AMZ1: variants seen among roughly 807,000 people sequenced by gnomAD.
The protein encoded by AMZ1 is archaelysin family metallopeptidase 1.
In AMZ1, 39 loss-of-function variants were observed where a neutral mutation model predicts 29.9. The ratio of observed to expected loss-of-function variants is 1.30; its 90% CI spans 1.01 to 1.70. The LOEUF (loss-of-function observed/expected upper bound fraction) is 1.70, where lower values mean the gene tolerates loss of function less well. AMZ1 is among the 40% of genes most tolerant of loss of function. AMZ1 has a pLI of 0.00. For missense variants in AMZ1, 1,041 were observed against 680.6 expected, an observed-to-expected ratio of 1.53 and a Z score of -5.89; for synonymous variants, 458 against 304.0, an observed-to-expected ratio of 1.51 and a Z score of -5.27.
intron 4 of AMZ1, among the ~76,000 whole-genome samples, chr7:2,736,395 T>A (rs1236987021): frequency 6.6e-6 from 1 of 152,080 alleles, no homozygotes; most frequent in Non-Finnish European, 1.5e-5. Context: ...ATGAATTTCA[T>A]TAGGCTGGGG....
chr7:2,762,395 T>C (rs983299677), upstream of AMZ1: 4 of 453,496 alleles, frequency 8.8e-6, no homozygotes, highest in East Asian at 1.4e-4. Context: ...CTTTCCTCAC[T>C]GAGGAAACCA....
At chr7:2,687,575 C>T (rs1787130891), upstream of AMZ1, among the ~76,000 whole-genome samples, 1 of 152,242 alleles carries the variant, frequency 6.6e-6, no homozygotes, top group Admixed American at 6.5e-5. Flanking sequence ...ACTTAGAGTC[C>T]TTTCCATCTC....
chr7:2,749,275 T>C (rs1224757812), intron 4 of AMZ1, among the ~76,000 whole-genome samples: 1 of 152,090 alleles, frequency 6.6e-6, no homozygotes, highest in Non-Finnish European at 1.5e-5. Flanking sequence ...TGTCCAACAA[T>C]GATAGACTGG....
intron 4 of AMZ1, among the ~76,000 whole-genome samples, chr7:2,745,472 G>C (rs932881386): frequency 1.6e-4 from 24 of 152,292 alleles, no homozygotes; most frequent in African/African-American, 5.8e-4. Flanking sequence ...CAAATGCTGA[G>C]AGATTTTGTC....
intron 1 of AMZ1, among the ~76,000 whole-genome samples, chr7:2,693,484 T>A (rs878911176): frequency 3.3e-5 from 5 of 152,042 alleles, no homozygotes; most frequent in Admixed American, 3.3e-4. Flanking sequence ...GGCTGGAGAC[T>A]TCCTCCGACC....
chr7:2,695,669 C>A (rs1787669580), intron 1 of AMZ1, among the ~76,000 whole-genome samples: 1 of 151,660 alleles, frequency 6.6e-6, no homozygotes, highest in South Asian at 2.1e-4. Flanking sequence ...GCTGAGTGCA[C>A]CACAGCACTC....
intron 4 of AMZ1, 49 bp from the exon 5 acceptor site, chr7:2,709,025 CA>C (rs745482707): frequency 2.6e-6 from 4 of 1,519,720 alleles, no homozygotes; most frequent in Admixed American, 2.2e-5. Flanking sequence ...GTGGGCCCCC[CA>C]GAGCCAAGGC....
chr7:2,695,346 G>C (rs989961751), intron 1 of AMZ1, among the ~76,000 whole-genome samples: 1 of 152,084 alleles, frequency 6.6e-6, no homozygotes, highest in Non-Finnish European at 1.5e-5. Flanking sequence ...GCACAGGCTC[G>C]GTCTGCATAG....
At chr7:2,702,642 G>C (rs1788116461) in intron 2 of AMZ1, 80 bp from the exon 3 acceptor site, 1 of 1,439,710 alleles carries the variant, frequency 6.9e-7, no homozygotes, top group South Asian at 1.4e-5. Context: ...CAGCAGGCCG[G>C]TGTCTGCGAG....
upstream of AMZ1, among the ~76,000 whole-genome samples, chr7:2,685,314 T>A (rs1562352564): frequency 1.3e-5 from 2 of 151,716 alleles, no homozygotes; most frequent in South Asian, 4.2e-4. Context: ...TCCCAGCAAT[T>A]TGGGAGGCCA....
chr7:2,732,177 A>C (rs1016066166), intron 4 of AMZ1, among the ~76,000 whole-genome samples: 22 of 152,190 alleles, frequency 1.4e-4, no homozygotes, highest in Non-Finnish European at 2.9e-4. Flanking sequence ...AATACATTTA[A>C]TGTTATTCTT....
chr7:2,707,390 C>T (rs1443720447), intron 3 of AMZ1, among the ~76,000 whole-genome samples: 4 of 151,904 alleles, frequency 2.6e-5, no homozygotes, highest in African/African-American at 9.7e-5. Flanking sequence ...TGTGCCGCAA[C>T]CCCTCTTCTC....
At position 2,708,575 on chromosome 7, in the gene AMZ1, C is replaced by G; in HGVS notation, c.473-13C>G. 6.2e-7 allele frequency: 1 copy of G among 1,611,550 alleles called. No homozygotes were observed. The stretch of plus-strand genomic sequence containing the variant: ...CTGCCTCCTGACCCCATCCTCTGGC[C>G]CTCTCCCCGCAGACGGCATCCTGTC... On this transcript the variant is annotated splice_polypyrimidine_tract_variant and intron_variant, in intron 3 of 6. Coordinates refer to ENST00000683327, the MANE Select transcript of AMZ1 (RefSeq NM_001384743.1).
At chr7:2,691,513 C>T (rs1271649468) in intron 1 of AMZ1, among the ~76,000 whole-genome samples, 1 of 148,542 alleles carries the variant, frequency 6.7e-6, no homozygotes, top group African/African-American at 2.6e-5. Flanking sequence ...GAGGCCGAGG[C>T]GGGTGGATCA....
chr7:2,756,377 G>A (rs1456562086), intron 4 of AMZ1, among the ~76,000 whole-genome samples: 1 of 152,198 alleles, frequency 6.6e-6, no homozygotes, highest in Non-Finnish European at 1.5e-5. Context: ...AGGATGTCAG[G>A]TATGGTGGCT....
chr7:2,706,194 G>A (rs1241666398), intron 3 of AMZ1, among the ~76,000 whole-genome samples: 1 of 152,130 alleles, frequency 6.6e-6, no homozygotes, highest in African/African-American at 2.4e-5. Flanking sequence ...TTTTTTTTTA[G>A]AGATGGGGTC....
intron 6 of AMZ1, among the ~76,000 whole-genome samples, chr7:2,711,077 A>G (rs1305048966): frequency 6.6e-6 from 1 of 151,918 alleles, no homozygotes. Context: ...GCCTGGATCC[A>G]CCTGGATCTG....
intron 3 of AMZ1, among the ~76,000 whole-genome samples, chr7:2,708,228 C>T (rs915877020): frequency 6.6e-6 from 1 of 152,208 alleles, no homozygotes; most frequent in Non-Finnish European, 1.5e-5. Context: ...TGTGGGGACT[C>T]ACAGGTCCCA....
At chr7:2,721,486 G>A (rs927725096), downstream of AMZ1, among the ~76,000 whole-genome samples, 1 of 152,180 alleles carries the variant, frequency 6.6e-6, no homozygotes, top group Non-Finnish European at 1.5e-5. Flanking sequence ...GGAGGCTGAG[G>A]TGGGTGGATC....
Sources: allele counts gnomAD v4.1 joint callset (sites outside exome capture counted in the v4.1 genomes callset), GRCh38; gene constraint gnomAD v4.1.1; transcripts MANE v1.5; gene names NCBI Gene and HGNC (gene_info 2026-07-23, HGNC 2026-07-21).